The following ANAPC10 variants were observed in gnomAD, a reference collection of about 807,000 sequenced individuals.
ANAPC10 encodes the protein anaphase promoting complex subunit 10, also known as anaphase-promoting complex subunit 10.
ANAPC10 carries 12 observed loss-of-function variants against 22.0 expected under a neutral mutation model. The ratio of observed to expected loss-of-function variants is 0.55; its 90% CI spans 0.35 to 0.88. The LOEUF is 0.88. Among genes scored for constraint, ANAPC10 ranks in the 40% least tolerant of loss-of-function variants. The probability of loss-of-function intolerance (pLI) is 0.01; values close to 1 mark genes in which losing one functional copy is unlikely to be tolerated. For synonymous variants in ANAPC10, 65 were observed against 69.5 expected, an observed-to-expected ratio of 0.94 and a Z score of 0.32; for missense variants, 188 against 220.9, an observed-to-expected ratio of 0.85 and a Z score of 0.94.
intron 4 of ANAPC10, among the ~76,000 whole-genome samples, chr4:145,012,883 T>C (rs1734569714): frequency 6.6e-6 from 1 of 152,136 alleles, no homozygotes; most frequent in Non-Finnish European, 1.5e-5. Context: ...GAGGGGGGCC[T>C]GGTGGGAAAT....
chr4:145,081,342 T>C (rs563488151), intron 3 of ANAPC10, among the ~76,000 whole-genome samples: 4 of 152,106 alleles, frequency 2.6e-5, no homozygotes, highest in Admixed American at 2.6e-4. Flanking sequence ...TACATTAAGG[T>C]ATTGTATTGG....
At chr4:145,055,968 T>G (rs1742010148) in intron 4 of ANAPC10, among the ~76,000 whole-genome samples, 1 of 152,170 alleles carries the variant, frequency 6.6e-6, no homozygotes, top group South Asian at 2.1e-4. Flanking sequence ...GGGAATCTGA[T>G]TTGCCCAGAT....
At position 145,064,624 on chromosome 4, in the gene ANAPC10, C is replaced by T. The variant is rs1437428652; in HGVS notation, c.275G>A (p.Ser92Asn). The part of the protein sequence containing the change: ...DYKSDESYTP[S>N]KISVRVGNNF... Reference sequence around the variant, plus strand: ...ATTTCCTACTCTGACTGAGATCTTGCTTGGAGTATAGCTTTCATCAGATTT... The same window carrying T: ...ATTTCCTACTCTGACTGAGATCTTGTTTGGAGTATAGCTTTCATCAGATTT... The change falls in exon 4 of 5, where the codon AGC (serine) becomes AAC (asparagine). Residue 92 changes from serine (S) to asparagine (N), a missense_variant. By Grantham distance (46) the Ser-to-Asn change is conservative. Transcript: ENST00000507656. 6.2e-7 allele frequency: 1 copy of T among 1,608,162 alleles called. No homozygotes were observed. Among genetic ancestry groups the T allele is most frequent in the South Asian group, 1.1e-5 (1 of 90,210 alleles).
At chr4:145,071,381 G>C (rs1054846684) in intron 3 of ANAPC10, among the ~76,000 whole-genome samples, 3 of 152,080 alleles carry the variant, frequency 2.0e-5, no homozygotes, top group Non-Finnish European at 2.9e-5. Context: ...ACTCCAGCCT[G>C]GGCAACGAGA....
At chr4:145,074,513 C>A (rs1246556605) in intron 3 of ANAPC10, among the ~76,000 whole-genome samples, 1 of 152,116 alleles carries the variant, frequency 6.6e-6, no homozygotes, top group African/African-American at 2.4e-5. Flanking sequence ...CTATGTGATA[C>A]TTAATTGCTA....
chr4:145,083,565 G>A (rs929568523), intron 2 of ANAPC10, among the ~76,000 whole-genome samples: 1 of 152,126 alleles, frequency 6.6e-6, no homozygotes, highest in African/African-American at 2.4e-5. Flanking sequence ...TCAATGGCTA[G>A]TAAAAGTTGG....
chr4:145,068,071 T>A (rs1411094997), intron 3 of ANAPC10, among the ~76,000 whole-genome samples: 1 of 152,124 alleles, frequency 6.6e-6, no homozygotes, highest in African/African-American at 2.4e-5. Context: ...TGAAGGAATG[T>A]AAAGAGAAGG....
At chr4:145,023,532 G>A (rs1408896447) in intron 4 of ANAPC10, among the ~76,000 whole-genome samples, 1 of 152,016 alleles carries the variant, frequency 6.6e-6, no homozygotes, top group Non-Finnish European at 1.5e-5. Context: ...CTCGGGGAAG[G>A]CCCCTGTAGA....
intron 4 of ANAPC10, among the ~76,000 whole-genome samples, chr4:145,050,289 A>G (rs1740910071): frequency 6.6e-6 from 1 of 152,212 alleles, no homozygotes; most frequent in Non-Finnish European, 1.5e-5. Context: ...TTTTTCTCTG[A>G]GCAGTAGGTC....
intron 2 of ANAPC10, among the ~76,000 whole-genome samples, chr4:145,092,971 G>C (rs1480855258): frequency 2.0e-5 from 3 of 152,178 alleles, no homozygotes; most frequent in Non-Finnish European, 4.4e-5. Flanking sequence ...CAGATACAAG[G>C]CTGTCATGAA....
chr4:145,035,906 C>T (rs1262133432), intron 4 of ANAPC10, among the ~76,000 whole-genome samples: 1 of 152,148 alleles, frequency 6.6e-6, no homozygotes, highest in Non-Finnish European at 1.5e-5. Context: ...ATGGACCTTC[C>T]ACTGGTAGCA....
intron 1 of ANAPC10, 129 bp from the exon 2 acceptor site, chr4:145,096,240 T>G (rs1199893311): frequency 2.1e-6 from 2 of 959,330 alleles, no homozygotes; most frequent in East Asian, 5.2e-5. Context: ...AAGAATGCAG[T>G]TAATATAATT....
chr4:145,068,035 T>G lies in ANAPC10; in HGVS notation c.207-3343A>C, dbSNP rs571188887. ...GGCATCTTGGACCATAAGACAACCT[T>G]GAGGATAAAATCTACAAGCTAAGAA... On this transcript the variant is annotated intron_variant, in intron 3 of 4. Transcript: ENST00000507656. Among the ~76,000 whole-genome samples, 82 of 152,202 alleles carry G rather than the reference T, an allele frequency of 5.4e-4. No individual in the cohort carries two copies. In the Middle Eastern group the frequency reaches 0.01, roughly 19 times the overall value.
chr4:145,086,917 T>C (rs1273392177), intron 2 of ANAPC10, among the ~76,000 whole-genome samples: 1 of 151,934 alleles, frequency 6.6e-6, no homozygotes, highest in African/African-American at 2.4e-5. Flanking sequence ...GTTTGGTAAA[T>C]ATTCATGCTT....
chr4:145,032,580 T>C (rs1295893397), intron 4 of ANAPC10, among the ~76,000 whole-genome samples: 1 of 152,186 alleles, frequency 6.6e-6, no homozygotes, highest in Admixed American at 6.5e-5. Context: ...ACACAACCTC[T>C]TTCCCCAGCC....
At chr4:145,028,470 A>C (rs1489285842) in intron 4 of ANAPC10, among the ~76,000 whole-genome samples, 3 of 152,022 alleles carry the variant, frequency 2.0e-5, no homozygotes, top group Non-Finnish European at 2.9e-5. Flanking sequence ...AACTCATATC[A>C]TATATATACA....
chr4:145,086,662 T>C (rs1746943878), intron 2 of ANAPC10, among the ~76,000 whole-genome samples: 1 of 152,116 alleles, frequency 6.6e-6, no homozygotes, highest in South Asian at 2.1e-4. Flanking sequence ...TGAATAATTC[T>C]TTGTTCAGTA....
At position 145,053,790 on chromosome 4, in the gene ANAPC10, A is replaced by T. The variant is rs1212052632; in HGVS notation, c.327+10782T>A. 6.1e-6 allele frequency: 4 copies of T among 653,544 alleles called. No individual in the cohort carries two copies. In the Admixed American group the frequency reaches 1.0e-4, roughly 16 times the overall value. The allele number at this position is 653,544 out of a possible 1,614,324, so 40.5% of individuals were successfully genotyped here. On this transcript the variant is annotated intron_variant, in intron 4 of 4. Coordinates refer to ENST00000507656, the MANE Select transcript of ANAPC10 (RefSeq NM_001256706.2). ...CATGTAAAACATGAGGCTGAAAAAA[A>T]AAAAAGGTTCCTGACTAGGCTCACC... is the stretch of plus-strand genomic sequence containing the variant.
intron 3 of ANAPC10, among the ~76,000 whole-genome samples, chr4:145,070,211 A>G (rs1744291685): frequency 6.6e-6 from 1 of 152,206 alleles, no homozygotes; most frequent in Admixed American, 6.5e-5. Context: ...ATAAAATTTT[A>G]TTGAAACTAA....
Sources: gnomAD v4.1 joint callset for allele counts (sites outside exome capture counted in the v4.1 genomes callset) on GRCh38, gnomAD v4.1.1 for gene constraint, MANE v1.5 for transcripts, NCBI Gene and HGNC (gene_info 2026-07-23, HGNC 2026-07-21) for gene names.